SLC15A2: variants seen among roughly 807,000 people sequenced by gnomAD.
SLC15A2 encodes the protein kidney H(+)/peptide cotransporter.
In SLC15A2, 77 loss-of-function variants were observed where a neutral mutation model predicts 95.5. That is an observed-to-expected ratio of 0.81 (90% CI 0.67 to 0.97). The LOEUF (loss-of-function observed/expected upper bound fraction) is 0.97, where lower values mean the gene tolerates loss of function less well. Ranked by LOEUF, SLC15A2 falls within the 50% of genes least tolerant of loss-of-function variation. SLC15A2 has a pLI of 0.00. For synonymous variants in SLC15A2, 306 were observed against 306.9 expected (o/e 1.00, Z 0.03); for missense variants, 893 against 874.4 (o/e 1.02, Z -0.27).
intron 3 of SLC15A2, among the ~76,000 whole-genome samples, chr3:121,900,044 C>G (rs1359546147): frequency 6.6e-6 from 1 of 152,118 alleles, no homozygotes; most frequent in Non-Finnish European, 1.5e-5. Flanking sequence ...CTCTTGTTTA[C>G]TTCACTCTTT....
intron 7 of SLC15A2, among the ~76,000 whole-genome samples, chr3:121,917,006 G>A (rs1040259339): frequency 6.6e-6 from 1 of 151,992 alleles, no homozygotes; most frequent in Non-Finnish European, 1.5e-5. Context: ...ATTTTTAGTA[G>A]AGACAGGGTT....
Position 121,915,223 on chromosome 3 carries a change from T to G in SLC15A2, c.529-4T>G. 1.5e-5 allele frequency: 24 copies of G among 1,609,452 alleles called. No homozygotes were observed. The highest frequency in any genetic ancestry group is 1.2e-5 in the Non-Finnish European group (14 of 1,175,768). ...GCACTGATGATTTATCCTGTTTGTT[T>G]CAGGCAGAGGAACGGACTAGATACT... On this transcript the variant is annotated splice_region_variant and splice_polypyrimidine_tract_variant and intron_variant, in intron 5 of 21. Transcript: ENST00000489711.
intron 5 of SLC15A2, chr3:121,914,935 G>A: frequency 3.1e-6 from 3 of 975,382 alleles, no homozygotes; most frequent in Middle Eastern, 5.1e-4. Flanking sequence ...ATTAATATTA[G>A]AATAGCTATA....
intron 5 of SLC15A2, among the ~76,000 whole-genome samples, chr3:121,913,443 A>G (rs1289722516): frequency 6.6e-6 from 1 of 152,252 alleles, no homozygotes; most frequent in Non-Finnish European, 1.5e-5. Context: ...ATTAAACCTG[A>G]GACCAATGAG....
chr3:121,903,994 C>A lies in SLC15A2; in HGVS notation c.335+6465C>A, dbSNP rs564499243. Among the ~76,000 whole-genome samples the A allele has an allele frequency of 1.1e-4, 17 of 152,280 alleles. No homozygotes were observed. The South Asian group carries it at 3.3e-3, about 30-fold the overall frequency. On this transcript the variant is annotated intron_variant, in intron 3 of 21. Transcript: ENST00000489711. The stretch of plus-strand genomic sequence containing the variant: ...TTCCTATCCATGAGCATGGAATGTT[C>A]TTCCATTTGTTTGTATCCTCTTTTA...
intron 19 of SLC15A2, among the ~76,000 whole-genome samples, chr3:121,932,718 A>G (rs959241735): frequency 6.6e-6 from 1 of 152,230 alleles, no homozygotes; most frequent in African/African-American, 2.4e-5. Flanking sequence ...TATTTATTTT[A>G]CTAATTAATT....
At chr3:121,911,787 T>A (rs1368694164) in intron 4 of SLC15A2, 121 bp downstream of exon 4, 6 of 700,132 alleles carry the variant, frequency 8.6e-6, no homozygotes, top group Non-Finnish European at 1.5e-5. Context: ...CAAAACTGGT[T>A]AAGAAAAACA....
chr3:121,920,275 A>C (rs1709978225), intron 7 of SLC15A2, among the ~76,000 whole-genome samples: 1 of 151,966 alleles, frequency 6.6e-6, no homozygotes, highest in Non-Finnish European at 1.5e-5. Flanking sequence ...TCCTTTGTCC[A>C]GGTATCTCTT....
intron 13 of SLC15A2, 41 bp downstream of exon 13, chr3:121,925,074 CT>C (rs1710088131): frequency 4.4e-6 from 6 of 1,361,278 alleles, no homozygotes; most frequent in Non-Finnish European, 6.3e-6. Context: ...TCTAAATTGA[CT>C]CAGTCTTTGC....
rs536059943 is a variant in SLC15A2, at chr3:121,910,218, C to T, written c.336-1356C>T. ...TTTTTTTTTTTTTTTTTTTTTGAGA[C>T]GGAGTCTTGCTCTGTCGCCAGTATG... On this transcript the variant is annotated intron_variant, in intron 3 of 21. Transcript: ENST00000489711. Among the ~76,000 whole-genome samples, 832 of 126,248 alleles carry T rather than the reference C, an allele frequency of 6.6e-3. 8 individuals carry two copies. The highest frequency in any genetic ancestry group is 0.022 in the African/African-American group (762 of 34,146). The allele number at this position is 126,248 out of a possible 152,430, so 82.8% of individuals were successfully genotyped here.
Position 121,928,884 on chromosome 3 carries a change from T to C in SLC15A2, c.1342-98T>C. On this transcript the variant is annotated intron_variant, in intron 15 of 21. Transcript: ENST00000489711. ...AAGAAAGGAATTACTAGGTTGAAAGTGTCTGATGAGGTCACCTACCCTGAG... is the reference window on the plus strand; with the variant it reads ...AAGAAAGGAATTACTAGGTTGAAAGCGTCTGATGAGGTCACCTACCCTGAG... 3.9e-6 allele frequency: 5 copies of C among 1,294,650 alleles called. No homozygotes were observed. In the Admixed American group the frequency reaches 6.6e-5, roughly 17 times the overall value. The allele number at this position is 1,294,650 out of a possible 1,614,324, so 80.2% of individuals were successfully genotyped here.
At chr3:121,915,589 T>C (rs1342207357) in intron 6 of SLC15A2, 27 bp from the exon 7 acceptor site, 3 of 1,558,726 alleles carry the variant, frequency 1.9e-6, no homozygotes, top group Non-Finnish European at 1.8e-6. Flanking sequence ...CAGAGTTACT[T>C]TCCTCCTCCC....
rs571320080 is a variant in SLC15A2, at chr3:121,900,331, C to T, written c.335+2802C>T. Among the ~76,000 whole-genome samples the T allele has an allele frequency of 5.9e-5, 9 of 152,310 alleles. No homozygotes were observed. The East Asian group carries it at 1.5e-3, about 26-fold the overall frequency. On this transcript the variant is annotated intron_variant, in intron 3 of 21. Transcript: ENST00000489711. ...AGCACAACATCCACTGCATTAGTTG[C>T]CATCACCCAGTTTTGGTCTTCATTG...
intron 3 of SLC15A2, among the ~76,000 whole-genome samples, chr3:121,907,434 C>T (rs1320489943): frequency 6.6e-6 from 1 of 152,138 alleles, no homozygotes; most frequent in East Asian, 1.9e-4. Flanking sequence ...AAGAGGCACT[C>T]TGGTTTTTAG....
chr3:121,934,325 T>C (rs1234214749), intron 19 of SLC15A2, among the ~76,000 whole-genome samples: 1 of 152,220 alleles, frequency 6.6e-6, no homozygotes, highest in Non-Finnish European at 1.5e-5. Context: ...TTGATGGGGA[T>C]GGCATTGAAT....
chr3:121,908,054 G>T (rs1388464158), intron 3 of SLC15A2, among the ~76,000 whole-genome samples: 1 of 152,238 alleles, frequency 6.6e-6, no homozygotes, highest in Non-Finnish European at 1.5e-5. Flanking sequence ...AGCTTCCCCA[G>T]CTTCTTTGTT....
chr3:121,913,169 A>T (rs1403095382), intron 5 of SLC15A2, 49 bp downstream of exon 5: 2 of 1,417,276 alleles, frequency 1.4e-6, no homozygotes, highest in Non-Finnish European at 2.0e-6. Flanking sequence ...GCCAGCATTA[A>T]TGGGGGTATC....
In SLC15A2 at chr3:121,941,029, G is replaced by C; in HGVS notation, c.*22G>C. ...CTGATGACTCCCTAGATTCTGTCCTGACCCCAATTCCTGGCCCTGTCTTGA... is the reference window on the plus strand; with the variant it reads ...CTGATGACTCCCTAGATTCTGTCCTCACCCCAATTCCTGGCCCTGTCTTGA... On this transcript the variant is annotated 3_prime_UTR_variant, in exon 22 of 22. Transcript: ENST00000489711. 6.2e-7 allele frequency: 1 copy of C among 1,601,876 alleles called. No individual in the cohort carries two copies. The highest frequency in any genetic ancestry group is 8.5e-7 in the Non-Finnish European group (1 of 1,175,246).
Position 121,927,839 on chromosome 3 carries a change from T to C in SLC15A2, c.1206T>C (p.Asn402=), listed in dbSNP as rs1710152037. 6.2e-7 allele frequency: 1 copy of C among 1,609,722 alleles called. No homozygotes were observed. The highest frequency in any genetic ancestry group is 8.5e-7 in the Non-Finnish European group (1 of 1,175,994). Reference sequence around the variant, plus strand: ...CGGCAGCTGTAGAGATAAAAATAAATGTGAGTTCAGTAATTCTTAAGCTCT... The same window carrying C: ...CGGCAGCTGTAGAGATAAAAATAAACGTGAGTTCAGTAATTCTTAAGCTCT... ...AVAAAVEIKI[N]EMAPAQPGPQ... is the part of the protein sequence containing the mutation. Residue 402 remains asparagine (N), a splice_region_variant and synonymous_variant, in exon 14 of 22, where the codon AAT becomes AAC. Transcript: ENST00000489711.
Sources: allele counts gnomAD v4.1 joint callset (sites outside exome capture counted in the v4.1 genomes callset), GRCh38; gene constraint gnomAD v4.1.1; transcripts MANE v1.5; gene names NCBI Gene and HGNC (gene_info 2026-07-23, HGNC 2026-07-21).